Variants in RBMS3 observed in about 807,000 individuals in gnomAD.
The protein encoded by RBMS3 is RNA binding motif single stranded interacting protein 3, also known as RNA-binding motif, single-stranded-interacting protein 3.
Under a neutral mutation model 66.8 loss-of-function variants are expected in RBMS3, and 27 were observed. The observed-to-expected ratio is 0.40, with a 90% CI of 0.30 to 0.56. The LOEUF is 0.56. RBMS3 is among the 20% of genes least tolerant of loss of function. RBMS3 has a pLI of 0.40. For synonymous variants in RBMS3, 188 were observed against 183.0 expected (o/e 1.03, Z -0.22); for missense variants, 513 against 549.5 (o/e 0.93, Z 0.66).
intron 1 of RBMS3, among the ~76,000 whole-genome samples, chr3:29,408,794 C>G (rs1010731718): frequency 1.3e-5 from 2 of 152,166 alleles, no homozygotes; most frequent in Non-Finnish European, 2.9e-5. Flanking sequence ...GAATCTGTAT[C>G]AAAATGATCA....
At chr3:29,500,542 G>A (rs2043928159) in intron 3 of RBMS3, among the ~76,000 whole-genome samples, 1 of 151,590 alleles carries the variant, frequency 6.6e-6, no homozygotes, top group Non-Finnish European at 1.5e-5. Flanking sequence ...TGTCCCATAG[G>A]ATTATACCAT....
chr3:29,825,734 C>G (rs2058195472), intron 6 of RBMS3, among the ~76,000 whole-genome samples: 1 of 152,146 alleles, frequency 6.6e-6, no homozygotes, highest in Non-Finnish European at 1.5e-5. Context: ...AGTGTGAGAA[C>G]AGACTAATAC....
At chr3:29,931,118 G>T (rs1218773458) in intron 10 of RBMS3, among the ~76,000 whole-genome samples, 2 of 151,992 alleles carry the variant, frequency 1.3e-5, no homozygotes, top group Non-Finnish European at 2.9e-5. Context: ...ATCAAAATGA[G>T]AAATATTAGT....
chr3:29,824,000 A>G (rs1356802413), intron 6 of RBMS3, among the ~76,000 whole-genome samples: 4 of 152,040 alleles, frequency 2.6e-5, no homozygotes, highest in Non-Finnish European at 4.4e-5. Flanking sequence ...TCTATTTAAA[A>G]AGGAAATTTA....
Position 29,887,073 on chromosome 3 carries a change from T to C in RBMS3, c.791+2865T>C, listed in dbSNP as rs1015945028. On this transcript the variant is annotated intron_variant, in intron 8 of 14. Transcript: ENST00000383767. ...ATTACTTATATACCATAAGCACCCA[T>C]TGGTGAACTGCAGGGTGTTATGAAT... 4.4e-4 allele frequency among the ~76,000 whole-genome samples: 67 copies of C among 151,922 alleles called. 1 individual carries two copies. The highest frequency in any genetic ancestry group is 1.5e-3 in the African/African-American group (63 of 41,500).
chr3:29,545,419 TAAGCAGATTATTAAATTATGATG>T (rs2045916838), intron 3 of RBMS3, among the ~76,000 whole-genome samples: 1 of 152,190 alleles, frequency 6.6e-6, no homozygotes, highest in South Asian at 2.1e-4. Flanking sequence ...TGTGTAACAG[TAAGCAGATTATTAAATTATGATG>T]AAGCAGATAC....
At chr3:29,374,713 G>T (rs1236534141) in intron 1 of RBMS3, among the ~76,000 whole-genome samples, 1 of 152,156 alleles carries the variant, frequency 6.6e-6, no homozygotes, top group Admixed American at 6.5e-5. Context: ...AATTTAAAAT[G>T]GATTCATTGG....
intron 1 of RBMS3, among the ~76,000 whole-genome samples, chr3:29,316,787 G>T (rs374298614): frequency 7.4e-4 from 113 of 151,686 alleles, no homozygotes; most frequent in African/African-American, 2.7e-3. Context: ...ATACTTCTTG[G>T]AAATGAGGCT....
At chr3:29,424,772 A>T (rs2040878772) in intron 1 of RBMS3, among the ~76,000 whole-genome samples, 1 of 152,140 alleles carries the variant, frequency 6.6e-6, no homozygotes, top group South Asian at 2.1e-4. Context: ...TATTTCTATC[A>T]TCCCTTTGCT....
At chr3:29,298,145 C>A (rs1197454286) in intron 1 of RBMS3, among the ~76,000 whole-genome samples, 2 of 151,832 alleles carry the variant, frequency 1.3e-5, no homozygotes, top group African/African-American at 2.4e-5. Context: ...ATCCCCACCC[C>A]CTGCATGTGG....
At chr3:29,330,238 A>G (rs1453445197) in intron 1 of RBMS3, among the ~76,000 whole-genome samples, 2 of 152,042 alleles carry the variant, frequency 1.3e-5, no homozygotes, top group African/African-American at 2.4e-5. Flanking sequence ...ATTTCTCCAC[A>G]CTACAAAAAT....
chr3:29,865,662 C>T (rs539652596), intron 6 of RBMS3, among the ~76,000 whole-genome samples: 1 of 152,192 alleles, frequency 6.6e-6, no homozygotes, highest in African/African-American at 2.4e-5. Context: ...AAACATGCTC[C>T]TCACCTATGA....
At chr3:29,820,400 A>G (rs1281399010) in intron 6 of RBMS3, among the ~76,000 whole-genome samples, 1 of 151,830 alleles carries the variant, frequency 6.6e-6, no homozygotes, top group African/African-American at 2.4e-5. Context: ...TTGATCTATT[A>G]ATTAGATCAA....
chr3:29,818,263 C>A (rs558011537), intron 6 of RBMS3, among the ~76,000 whole-genome samples: 2 of 152,022 alleles, frequency 1.3e-5, no homozygotes, highest in East Asian at 3.9e-4. Context: ...TGACAGTATA[C>A]CGCATTGTTT....
intron 1 of RBMS3, among the ~76,000 whole-genome samples, chr3:29,349,881 C>T (rs1311057640): frequency 2.6e-5 from 4 of 152,034 alleles, no homozygotes; most frequent in East Asian, 1.9e-4. Flanking sequence ...TTGTTCAGGC[C>T]GGGTGAGGTG....
intron 4 of RBMS3, among the ~76,000 whole-genome samples, chr3:29,694,338 C>T (rs1249691823): frequency 6.6e-6 from 1 of 152,120 alleles, no homozygotes; most frequent in Non-Finnish European, 1.5e-5. Context: ...TCATGGAAGC[C>T]TTTGTCTATA....
chr3:29,859,631 A>T (rs1177067057), intron 6 of RBMS3, among the ~76,000 whole-genome samples: 1 of 152,252 alleles, frequency 6.6e-6, no homozygotes, highest in African/African-American at 2.4e-5. Flanking sequence ...ACAACTAAGA[A>T]TTACATACCT....
At chr3:29,670,715 C>T (rs1212784176) in intron 4 of RBMS3, among the ~76,000 whole-genome samples, 1 of 152,208 alleles carries the variant, frequency 6.6e-6, no homozygotes, top group African/African-American at 2.4e-5. Context: ...GGGCGTCCTC[C>T]ACTGCTGAGG....
At chr3:29,512,780 C>T (rs2044465373) in intron 3 of RBMS3, among the ~76,000 whole-genome samples, 2 of 152,226 alleles carry the variant, frequency 1.3e-5, no homozygotes, top group Non-Finnish European at 2.9e-5. Context: ...GTGAACAATA[C>T]TGTGTGCACT....
Sources: allele counts gnomAD v4.1 joint callset (sites outside exome capture counted in the v4.1 genomes callset), GRCh38; gene constraint gnomAD v4.1.1; transcripts MANE v1.5; gene names NCBI Gene and HGNC (gene_info 2026-07-23, HGNC 2026-07-21).